The following NLRC5 variants were observed in gnomAD, a reference collection of about 807,000 sequenced individuals.
NLRC5 encodes NLR family CARD domain containing 5.
In NLRC5, 114 loss-of-function variants were observed where a neutral mutation model predicts 206.9. The ratio of observed to expected loss-of-function variants is 0.55; its 90% CI spans 0.47 to 0.64. The LOEUF (loss-of-function observed/expected upper bound fraction) is 0.64. Among genes scored for constraint, NLRC5 ranks in the 30% least tolerant of loss-of-function variants. NLRC5 has a pLI of 0.00. For missense variants in NLRC5, 2,008 were observed against 2,305.5 expected, an observed-to-expected ratio of 0.87 and a Z score of 2.64; for synonymous variants, 952 against 962.8, an observed-to-expected ratio of 0.99 and a Z score of 0.21.
intron 10 of NLRC5, among the ~76,000 whole-genome samples, chr16:57,031,030 G>T (rs1216947346): frequency 6.6e-6 from 1 of 152,034 alleles, no homozygotes; most frequent in African/African-American, 2.4e-5. Flanking sequence ...AGCCGTGGAG[G>T]TTGAGGCTGC....
At chr16:57,066,311 A>G (rs2067077806) in intron 33 of NLRC5, among the ~76,000 whole-genome samples, 1 of 151,930 alleles carries the variant, frequency 6.6e-6, no homozygotes, top group Non-Finnish European at 1.5e-5. Flanking sequence ...TCTCTTTAAA[A>G]AAAAAAAAAA....
intron 1 of NLRC5, among the ~76,000 whole-genome samples, chr16:57,009,209 T>G (rs1418356780): frequency 6.6e-6 from 1 of 152,040 alleles, no homozygotes. Context: ...GAGAATCACT[T>G]GAACCCAAGA....
rs2061459518 is a variant in NLRC5 at position 57,028,365 on chromosome 16, T to A, written c.2223T>A (p.Cys741Ter). 1 of 1,614,084 alleles carries A rather than the reference T, an allele frequency of 6.2e-7. No homozygotes were observed. The highest frequency in any genetic ancestry group is 2.2e-5 in the East Asian group (1 of 44,880). ...ACCTGGTGAAAGCTTTGCCTCTCTG[T>A]CCACAGCTGAAAGAAGTCAGGTGAG... ...ISHLVKALPL[C>*]PQLKEVSFRD... The change falls in exon 8 of 49, where the codon TGT becomes TGA. Residue 741 changes from cysteine (C) to a stop codon, truncating the protein, a stop_gained. Coordinates refer to ENST00000688547, the MANE Select transcript of NLRC5 (RefSeq NM_001384950.1). LOFTEE classifies it high-confidence loss of function.
At chr16:57,041,682 C>A in intron 18 of NLRC5, 108 bp downstream of exon 18, 3 of 869,848 alleles carry the variant, frequency 3.4e-6, no homozygotes, top group Non-Finnish European at 5.5e-6. Context: ...TCTTTCCCTG[C>A]TGAAGTCAGA....
chr16:57,077,040 G>C, intron 40 of NLRC5, 138 bp downstream of exon 40: 2 of 798,912 alleles, frequency 2.5e-6, no homozygotes, highest in Non-Finnish European at 4.1e-6. Context: ...AAACAACCTG[G>C]GGCCTAGAAG....
chr16:57,041,624 A>T, intron 18 of NLRC5, 50 bp downstream of exon 18: 1 of 1,460,400 alleles, frequency 6.8e-7, no homozygotes, highest in Non-Finnish European at 9.6e-7. Flanking sequence ...AATTACAGTG[A>T]GTTAGTGTTG....
At chr16:57,021,087 C>T (rs2060619420) in intron 3 of NLRC5, 80 bp downstream of exon 3, 1 of 1,330,620 alleles carries the variant, frequency 7.5e-7, no homozygotes, top group African/African-American at 1.4e-5. Flanking sequence ...CAGGGACCCA[C>T]CTAAGTCAGA....
At chr16:56,991,052 C>A (rs1212280424) in intron 1 of NLRC5, 1 of 152,100 alleles carries the variant, frequency 6.6e-6, no homozygotes, top group Admixed American at 6.5e-5. Flanking sequence ...TTTGGTTTCT[C>A]GTCTGTAAAA....
At position 57,081,446 on chromosome 16, in the gene NLRC5, G is replaced by C. The variant is rs553939615; in HGVS notation, c.5406-81G>C. 181 of 1,367,510 alleles carry C rather than the reference G, an allele frequency of 1.3e-4. 2 individuals are homozygous for C. In the South Asian group the frequency reaches 2.1e-3, roughly 16 times the overall value. 84.7% of individuals were successfully genotyped at this position (1,367,510 alleles called of 1,614,324 possible). On this transcript the variant is annotated intron_variant, in intron 47 of 48. Coordinates refer to ENST00000688547, the MANE Select transcript of NLRC5 (RefSeq NM_001384950.1). ...AGACTGTGTCCCCTGACCTTGGCCT[G>C]AGGAAGGGACCTAGGAAACTCTCAC...
intron 1 of NLRC5, among the ~76,000 whole-genome samples, chr16:57,015,769 A>C (rs1260411269): frequency 2.0e-5 from 3 of 151,716 alleles, no homozygotes; most frequent in African/African-American, 7.3e-5. Context: ...CTCTACTAAA[A>C]ATACAAAATT....
chr16:57,041,960 C>T (rs1047873569), intron 18 of NLRC5, 22 bp from the exon 19 acceptor site: 11 of 1,537,464 alleles, frequency 7.2e-6, no homozygotes, highest in Non-Finnish European at 9.6e-6. Context: ...AATGTTCTCC[C>T]CTCCCTTCTC....
intron 33 of NLRC5, among the ~76,000 whole-genome samples, chr16:57,066,288 G>C (rs2067072220): frequency 6.6e-6 from 1 of 150,712 alleles, no homozygotes; most frequent in South Asian, 2.1e-4. Flanking sequence ...CTGGGCTACA[G>C]AGCAAGACCC....
intron 1 of NLRC5, among the ~76,000 whole-genome samples, chr16:57,011,524 A>G (rs2059496948): frequency 6.6e-6 from 1 of 152,128 alleles, no homozygotes. Context: ...GTAGTTCAAG[A>G]CCAGCCTGGG....
rs1223741682 is a variant in NLRC5, at chr16:57,026,770, G to A, written c.1827G>A (p.Gly609=). 4.3e-6 allele frequency: 7 copies of A among 1,613,932 alleles called. No individual in the cohort carries two copies. In the African/African-American group the frequency reaches 6.7e-5, roughly 15 times the overall value. ...LKKLATRKLT[G]PKVVELCHCV... ...AGTTGGCCACCCGCAAGCTCACAGG[G>A]CCAAAGGTTGTAGAGCTGTGTCACT... Residue 609 remains glycine (G), a synonymous_variant, in exon 6 of 49, where the codon GGG becomes GGA. Coordinates refer to ENST00000688547, the MANE Select transcript of NLRC5 (RefSeq NM_001384950.1).
chr16:57,027,139 G>A, intron 6 of NLRC5, 121 bp downstream of exon 6: 2 of 1,181,378 alleles, frequency 1.7e-6, no homozygotes, highest in Non-Finnish European at 2.3e-6. Context: ...AGAACATAAT[G>A]GCCTGCAATG....
At chr16:57,070,745 G>A in intron 38 of NLRC5, 127 bp downstream of exon 38, 2 of 768,374 alleles carry the variant, frequency 2.6e-6, no homozygotes, top group African/African-American at 1.7e-5. Context: ...GGTTAATGGG[G>A]AATGGGGTGA....
intron 39 of NLRC5, among the ~76,000 whole-genome samples, chr16:57,076,417 G>A (rs1441919265): frequency 6.6e-6 from 1 of 152,232 alleles, no homozygotes; most frequent in African/African-American, 2.4e-5. Flanking sequence ...ATGCCCCTGA[G>A]AACTGATCTG....
intron 18 of NLRC5, 88 bp downstream of exon 18, chr16:57,041,662 G>C: frequency 9.4e-7 from 1 of 1,063,654 alleles, no homozygotes. Flanking sequence ...TTAAGATTTA[G>C]ATCAACTGTT....
intron 1 of NLRC5, among the ~76,000 whole-genome samples, chr16:57,010,733 C>A (rs563306594): frequency 6.6e-6 from 1 of 152,156 alleles, no homozygotes; most frequent in Non-Finnish European, 1.5e-5. Flanking sequence ...TTTTTCCCCA[C>A]CTATTGCCTT....
Sources: gnomAD v4.1 joint callset for allele counts (sites outside exome capture counted in the v4.1 genomes callset) on GRCh38, gnomAD v4.1.1 for gene constraint, MANE v1.5 for transcripts, NCBI Gene and HGNC (gene_info 2026-07-23, HGNC 2026-07-21) for gene names.